Variants in TENM1 observed in about 807,000 individuals in gnomAD.
TENM1 encodes teneurin transmembrane protein 1.
In TENM1, 35 loss-of-function variants were observed where a neutral mutation model predicts 174.8. That is an observed-to-expected ratio of 0.20 (90% CI 0.15 to 0.27). The LOEUF is 0.27. TENM1 is among the 10% of genes least tolerant of loss of function. TENM1 has a pLI of 1.00. For synonymous variants in TENM1, 781 were observed against 798.7 expected, an observed-to-expected ratio of 0.98 and a Z score of 0.37; for missense variants, 1,633 against 2,130.1, an observed-to-expected ratio of 0.77 and a Z score of 4.59.
the TENM1 span, among the ~76,000 whole-genome samples, chrX:125,087,111 G>C: frequency 9.1e-6 from 1 of 110,486 alleles, no homozygotes; most frequent in African/African-American, 3.3e-5. Context: ...TGTCACTTAT[G>C]TTTAAGTAAT....
At chrX:124,558,983 A>T (rs2048753641) in intron 14 of TENM1, among the ~76,000 whole-genome samples, 1 of 111,941 alleles carries the variant, frequency 8.9e-6, no homozygotes, top group African/African-American at 3.2e-5. Context: ...CATAGACCAC[A>T]GGCATTGAGA....
the TENM1 span, among the ~76,000 whole-genome samples, chrX:124,993,363 C>T: frequency 3.6e-5 from 4 of 110,653 alleles, no homozygotes; most frequent in East Asian, 2.8e-4. Flanking sequence ...ACCCAATTGC[C>T]GTAGTCTATA....
the TENM1 span, among the ~76,000 whole-genome samples, chrX:125,157,694 C>G: frequency 8.9e-6 from 1 of 111,850 alleles, no homozygotes; most frequent in Non-Finnish European, 1.9e-5. Context: ...GAATGCATTC[C>G]TAAAGTGAAT....
At chrX:124,854,377 G>A (rs948112349) in intron 3 of TENM1, among the ~76,000 whole-genome samples, 4 of 110,826 alleles carry the variant, frequency 3.6e-5, no homozygotes, top group African/African-American at 1.3e-4. Flanking sequence ...GTGGGTGAAG[G>A]ATAAAAGACA....
intron 1 of TENM1, among the ~76,000 whole-genome samples, chrX:124,958,807 A>G (rs1405281226): frequency 8.9e-6 from 1 of 111,754 alleles, no homozygotes; most frequent in Non-Finnish European, 1.9e-5. Flanking sequence ...AGCACCTTGC[A>G]GAGTGCTAGA....
At chrX:125,189,362 C>A in the TENM1 span, among the ~76,000 whole-genome samples, 2 of 112,418 alleles carry the variant, frequency 1.8e-5, no homozygotes, top group Non-Finnish European at 3.8e-5. Context: ...TGTGGGCTAA[C>A]TACCGTTTAA....
intron 25 of TENM1, 66 bp downstream of exon 28, chrX:124,420,245 T>C (rs1450492549): frequency 9.3e-7 from 1 of 1,072,881 alleles, no homozygotes; most frequent in Non-Finnish European, 1.2e-6. Context: ...ACTAAGGCAT[T>C]TTCCCAGTAT....
chrX:124,704,028 T>C (rs757539927), intron 5 of TENM1, among the ~76,000 whole-genome samples: 1 of 112,334 alleles, frequency 8.9e-6, no homozygotes, highest in Non-Finnish European at 1.9e-5. Context: ...AAACTCATTA[T>C]GTGAACTTTT....
At chrX:124,896,290 C>G in intron 1 of TENM1, 49 bp from the exon 5 acceptor site, 1 of 1,151,706 alleles carries the variant, frequency 8.7e-7, no homozygotes, top group South Asian at 2.0e-5. Flanking sequence ...ATGAAGAAAT[C>G]CCCCAGAAAA....
At chrX:124,856,211 T>A (rs554254758) in intron 3 of TENM1, among the ~76,000 whole-genome samples, 1 of 111,118 alleles carries the variant, frequency 9.0e-6, no homozygotes, top group East Asian at 2.8e-4. Context: ...GAACTGTCTT[T>A]CATGTTATTC....
At chrX:124,995,502 G>A in the TENM1 span, among the ~76,000 whole-genome samples, 1 of 111,510 alleles carries the variant, frequency 9.0e-6, no homozygotes, top group African/African-American at 3.2e-5. Flanking sequence ...GCACAATGCT[G>A]CTCCTATTTA....
intron 11 of TENM1, among the ~76,000 whole-genome samples, chrX:124,587,194 A>C (rs1468334565): frequency 1.0e-4 from 11 of 110,351 alleles, no homozygotes; most frequent in African/African-American, 3.7e-4. Flanking sequence ...ACTACTTTAA[A>C]GTTCATATGG....
intron 15 of TENM1, among the ~76,000 whole-genome samples, chrX:124,544,712 C>T (rs1602633375): frequency 8.9e-6 from 1 of 111,935 alleles, no homozygotes; most frequent in East Asian, 2.8e-4. Flanking sequence ...TGGTTCACGT[C>T]ACCAGGCTTA....
chrX:124,757,147 C>T lies in TENM1; in HGVS notation c.536-19950G>A, dbSNP rs184997190. On this transcript the variant is annotated intron_variant, in intron 3 of 31. Coordinates refer to ENST00000422452, the Ensembl canonical transcript of TENM1. ...TCCTTGAGCTGTGGTTGGCTCCACC[C>T]AGTTCGAGCTTCCGGCCTGCTTTGT... 1.5e-4 allele frequency among the ~76,000 whole-genome samples: 17 copies of T among 112,748 alleles called. No individual in the cohort carries two copies. In the East Asian group the frequency reaches 4.5e-3, roughly 30 times the overall value.
intron 3 of TENM1, among the ~76,000 whole-genome samples, chrX:124,816,702 C>A (rs1221132751): frequency 9.0e-6 from 1 of 110,620 alleles, no homozygotes. Context: ...CTCTAAGATT[C>A]AAAAAAATTA....
intron 20 of TENM1, among the ~76,000 whole-genome samples, chrX:124,489,386 C>A (rs2047017962): frequency 8.9e-6 from 1 of 112,044 alleles, no homozygotes; most frequent in Non-Finnish European, 1.9e-5. Flanking sequence ...GATTTATATA[C>A]CATAAAATTC....
intron 19 of TENM1, among the ~76,000 whole-genome samples, chrX:124,497,841 G>A (rs756099866): frequency 1.8e-5 from 2 of 111,567 alleles, no homozygotes; most frequent in Non-Finnish European, 3.8e-5. Context: ...GGACCATATC[G>A]CACTATCATC....
In TENM1 at chrX:124,798,085, C is replaced by T. The variant is rs141647468; in HGVS notation, c.536-60888G>A. Among the ~76,000 whole-genome samples the T allele has an allele frequency of 3.7e-3, 417 of 112,040 alleles. 1 individual carries two copies. Among genetic ancestry groups the T allele is most frequent in the African/African-American group, 0.012 (385 of 30,817 alleles). ...ATGTGCCACATTTTCTTTATCCAGT[C>T]TATCATCAATGGGCATTTGGCTTGG... On this transcript the variant is annotated intron_variant, in intron 3 of 31. Coordinates refer to ENST00000422452, the Ensembl canonical transcript of TENM1.
At chrX:124,578,986 C>G (rs5956665) in intron 11 of TENM1, among the ~76,000 whole-genome samples, 1,267 of 112,055 alleles carry the variant, frequency 0.011, 20 homozygotes, top group African/African-American at 0.039. Flanking sequence ...TATTTGTGTC[C>G]TTTAATTCTG....
Sources: gnomAD v4.1 joint callset for allele counts (sites outside exome capture counted in the v4.1 genomes callset) on GRCh38, gnomAD v4.1.1 for gene constraint, MANE v1.5 for transcripts, NCBI Gene and HGNC (gene_info 2026-07-23, HGNC 2026-07-21) for gene names.